The following SIX5 variants were observed in gnomAD, a reference collection of about 807,000 sequenced individuals.
SIX5 encodes the protein homeobox protein SIX5.
Under a neutral mutation model 37.1 loss-of-function variants are expected in SIX5, and 21 were observed. That is an observed-to-expected ratio of 0.57 (90% CI 0.40 to 0.81). The LOEUF (loss-of-function observed/expected upper bound fraction) is 0.81. Among genes scored for constraint, SIX5 ranks in the 40% least tolerant of loss-of-function variants. The pLI is 0.00. For synonymous variants in SIX5, 626 were observed against 505.9 expected (o/e 1.24, Z -3.19); for missense variants, 1,137 against 1,025.1 (o/e 1.11, Z -1.49).
Position 45,765,987 on chromosome 19 carries a change from C to T in SIX5, c.1734G>A (p.Pro578=), listed in dbSNP as rs571511861. ...GTGGCAGGGCCAGGCCGGGGGCTGG[C>T]GGCAGGACCTGGGAGACGAGCATGC... The part of the protein sequence containing the change: ...PTSMLVSQVL[P]PAPGLALPLK... The change falls in exon 3 of 3, where the codon CCG becomes CCA. Residue 578 remains proline, a synonymous_variant. Transcript: ENST00000317578. 10 of 1,592,536 alleles carry T rather than the reference C, an allele frequency of 6.3e-6. No homozygotes were observed. Among genetic ancestry groups the T allele is most frequent in the African/African-American group, 1.3e-5 (1 of 74,768 alleles).
At chr19:45,766,242 C>G (rs1203753260) in intron 2 of SIX5, 108 bp downstream of exon 2, 1 of 1,492,740 alleles carries the variant, frequency 6.7e-7, no homozygotes, top group Non-Finnish European at 9.0e-7. Flanking sequence ...CTGGGACTTG[C>G]CAGGGATGAG....
Position 45,766,729 on chromosome 19 carries a change from C to T in SIX5, c.1230G>A (p.Val410=), listed in dbSNP as rs1428410235. 1.3e-6 allele frequency: 2 copies of T among 1,570,914 alleles called. No homozygotes were observed. Among genetic ancestry groups the T allele is most frequent in the Non-Finnish European group, 1.7e-6 (2 of 1,160,428 alleles). ...SEAPETKGAQ[V]AAPGPALGEE... is the part of the protein sequence containing the mutation. The stretch of plus-strand genomic sequence containing the variant: ...CTCCAAGGGCTGGTCCCGGAGCAGC[C>T]ACCTGGGCCCCTTTGGTCTCAGGGG... Residue 410 remains valine, a synonymous_variant, in exon 2 of 3, where the codon GTG becomes GTA. Transcript: ENST00000317578.
Position 45,768,236 on chromosome 19 carries a change from C to A in SIX5, c.609G>T (p.Glu203Asp). 6.2e-7 allele frequency: 1 copy of A among 1,613,176 alleles called. No homozygotes were observed. ...AGCGCTCCTTGAAGCAGTAGACTGT[C>A]TCCTCGCCGTCCCAGATGGTCTTGG... The part of the protein sequence containing the change: ...PLPKTIWDGE[E>D]TVYCFKERSR... The change falls in exon 1 of 3, where the codon GAG (glutamate) becomes GAT (aspartate). Residue 203 changes from glutamate to aspartate, a missense_variant. Coordinates refer to ENST00000317578, the MANE Select transcript of SIX5 (RefSeq NM_175875.5).
chr19:45,765,894 T>C lies in SIX5; in HGVS notation c.1827A>G (p.Pro609=), dbSNP rs1233591292. 4 of 1,592,668 alleles carry C rather than the reference T, an allele frequency of 2.5e-6. No homozygotes were observed. In the African/African-American group the frequency reaches 4.0e-5, roughly 16 times the overall value. The part of the protein sequence containing the change: ...GLPVAPSPAL[P]EAHALGTLSA... ...AAAGGGTGCCTAGGGCGTGAGCCTC[T>C]GGGAGAGCAGGGCTGGGGGCCACCG... Residue 609 remains proline (P), a synonymous_variant, in exon 3 of 3, where the codon CCA becomes CCG. Coordinates refer to ENST00000317578, the MANE Select transcript of SIX5 (RefSeq NM_175875.5).
In SIX5 at chr19:45,765,734, G is replaced by C; in HGVS notation, c.1987C>G (p.Pro663Ala). 1 of 1,612,112 alleles carries C rather than the reference G, an allele frequency of 6.2e-7. No homozygotes were observed. Among genetic ancestry groups the C allele is most frequent in the Non-Finnish European group, 8.5e-7 (1 of 1,179,972 alleles). ...EGLMLSPAAV[P>A]VWSAGLELSA... ...AGTTCCAGCCCTGCTGACCAGACAG[G>C]CACGGCCGCGGGTGACAACATCAGC... is the stretch of plus-strand genomic sequence containing the variant. The change falls in exon 3 of 3, where the codon CCT (proline) becomes GCT (alanine). Residue 663 changes from proline to alanine, a missense_variant. This residue lies in a region of SIX5 where 787 missense variants were observed against 621.4 expected (regional missense o/e 1.27). Transcript: ENST00000317578.
rs1267558043 is a variant in SIX5 at position 45,766,123 on chromosome 19, G to C, written c.1610-12C>G. The C allele has an allele frequency of 1.2e-6, 2 of 1,609,510 alleles. No homozygotes were observed. Among genetic ancestry groups the C allele is most frequent in the Middle Eastern group, 1.7e-4 (1 of 5,976 alleles). ...CAGGAGGAAGTTTCCTGTGGGGAGA[G>C]AGGGACCGAGCGCAGGTGAGAGCCA... is the stretch of plus-strand genomic sequence containing the variant. On this transcript the variant is annotated splice_polypyrimidine_tract_variant and intron_variant, in intron 2 of 2. Transcript: ENST00000317578.
In SIX5 at chr19:45,764,942, G is replaced by A. The variant is rs1234647945; in HGVS notation, c.*559C>T. On this transcript the variant is annotated 3_prime_UTR_variant, in exon 3 of 3. Coordinates refer to ENST00000317578, the MANE Select transcript of SIX5 (RefSeq NM_175875.5). The stretch of plus-strand genomic sequence containing the variant: ...GGCCGGATAATGAGGACAAGGGCTT[G>A]AGTCGAGGGGAGCTGGTGAAGGAAG... The A allele has an allele frequency of 5.4e-6, 1 of 183,812 alleles. No homozygotes were observed. Among genetic ancestry groups the A allele is most frequent in the African/African-American group, 2.3e-5 (1 of 42,734 alleles). The allele number at this position is 183,812 out of a possible 1,614,324, so 11.4% of individuals were successfully genotyped here. A position where few individuals can be genotyped will look rare whatever the true frequency, so the allele number is the denominator to read the frequency against.
At position 45,766,874 on chromosome 19, in the gene SIX5, G is replaced by C; in HGVS notation, c.1085C>G (p.Thr362Ser). 1 of 1,546,940 alleles carries C rather than the reference G, an allele frequency of 6.5e-7. No homozygotes were observed. The highest frequency in any genetic ancestry group is 8.7e-7 in the Non-Finnish European group (1 of 1,148,676). Residue 362 changes from threonine to serine, a missense_variant, in exon 2 of 3, where the codon ACT (threonine) becomes AGT (serine). Physicochemically the swap from Thr to Ser is moderately conservative, Grantham distance 58 (BLOSUM62 1). Coordinates refer to ENST00000317578, the MANE Select transcript of SIX5 (RefSeq NM_175875.5). ...CGGTGGAGGGGCACCCCCGCCCCCA[G>C]TGAGCAGCAGCGGGCCCAGGCTGGA... is the stretch of plus-strand genomic sequence containing the variant. ...EASSLGPLLL[T>S]GGGGAPPPQP...
rs1177434435 is a variant in SIX5 at position 45,766,665 on chromosome 19, G to C, written c.1294C>G (p.Pro432Ala). 1 of 1,493,236 alleles carries C rather than the reference G, an allele frequency of 6.7e-7. No homozygotes were observed. The allele number at this position is 1,493,236 out of a possible 1,614,324, so 92.5% of individuals were successfully genotyped here. Residue 432 changes from proline (P) to alanine (A), a missense_variant, in exon 2 of 3, where the codon CCC becomes GCC. By Grantham distance (27) the Pro-to-Ala change is conservative. Coordinates refer to ENST00000317578, the MANE Select transcript of SIX5 (RefSeq NM_175875.5). ...LGPLAQVVPG[P>A]PTAATFPLPP... ...AGAGGAAAGGTGGCAGCCGTCGGGGGGCCAGGCACCACTTGGGCCAGGGGC... is the reference window on the plus strand; with the variant it reads ...AGAGGAAAGGTGGCAGCCGTCGGGGCGCCAGGCACCACTTGGGCCAGGGGC...
Position 45,765,443 on chromosome 19 carries a change from A to G in SIX5, c.*58T>C. The G allele has an allele frequency of 1.2e-6, 2 of 1,611,238 alleles. No individual in the cohort carries two copies. The highest frequency in any genetic ancestry group is 1.7e-6 in the Non-Finnish European group (2 of 1,179,554). On this transcript the variant is annotated 3_prime_UTR_variant, in exon 3 of 3. Transcript: ENST00000317578. ...CGCATTTCTGGGGCTCCCCCCTCCC[A>G]TTCCTGTCCCTGCGTCTTCAGCACC... is the stretch of plus-strand genomic sequence containing the variant.
rs1271355101 is a variant in SIX5, at chr19:45,765,970, G to A, written c.1751C>T (p.Ala584Val). Residue 584 changes from alanine (A) to valine (V), a missense_variant, in exon 3 of 3, where the codon GCC (alanine) becomes GTC (valine). Physicochemically the swap from Ala to Val is moderately conservative, Grantham distance 64. Transcript: ENST00000317578. ...GGCCGTCTCTGGCTTCAGTGGCAGG[G>A]CCAGGCCGGGGGCTGGCGGCAGGAC... ...SQVLPPAPGL[A>V]LPLKPETAIS... 5 of 1,596,540 alleles carry A rather than the reference G, an allele frequency of 3.1e-6. No individual in the cohort carries two copies. In the African/African-American group the frequency reaches 4.0e-5, roughly 13 times the overall value.
Position 45,768,974 on chromosome 19 carries a change from T to G in SIX5, c.-130A>C. ...TCTCGATCTTCTTTCTGGCCGACCC[T>G]GCGCCCCACGCCGGGAAGGCGAGAT... On this transcript the variant is annotated 5_prime_UTR_variant, in exon 1 of 3. Coordinates refer to ENST00000317578, the MANE Select transcript of SIX5 (RefSeq NM_175875.5). 1 of 864,580 alleles carries G rather than the reference T, an allele frequency of 1.2e-6. No homozygotes were observed. Among genetic ancestry groups the G allele is most frequent in the Non-Finnish European group, 1.7e-6 (1 of 586,738 alleles). The allele number at this position is 864,580 out of a possible 1,614,324, so 53.6% of individuals were successfully genotyped here. A position where few individuals can be genotyped will look rare whatever the true frequency, so the allele number is the denominator to read the frequency against.
chr19:45,767,691 G>A, intron 1 of SIX5: 1 of 372,960 alleles, frequency 2.7e-6, no homozygotes, highest in Non-Finnish European at 4.9e-6. Context: ...GTGAAGAAAG[G>A]GGGCTGGGAG....
Position 45,768,269 on chromosome 19 carries a change from G to A in SIX5, c.576C>T (p.Phe192=), listed in dbSNP as rs368106223. 94 of 1,612,698 alleles carry A rather than the reference G, an allele frequency of 5.8e-5. 1 individual carries two copies. The Middle Eastern group carries it at 2.1e-3, about 37-fold the overall frequency. Residue 192 remains phenylalanine, a synonymous_variant, in exon 1 of 3, where the codon TTC becomes TTT. Transcript: ENST00000317578. ...AVDKYRLRKK[F]PLPKTIWDGE... ...CGTCCCAGATGGTCTTGGGCAGCGG[G>A]AACTTCTTGCGCAGTCGATACTTGT...
Position 45,767,149 on chromosome 19 carries a change from A to T in SIX5, c.810T>A (p.Ser270=). 1 of 1,611,936 alleles carries T rather than the reference A, an allele frequency of 6.2e-7. No individual in the cohort carries two copies. The highest frequency in any genetic ancestry group is 8.5e-7 in the Non-Finnish European group (1 of 1,179,882). The change falls in exon 2 of 3, where the codon TCT becomes TCA. Residue 270 remains serine (S), a synonymous_variant. Coordinates refer to ENST00000317578, the MANE Select transcript of SIX5 (RefSeq NM_175875.5). ...AGGGAPCKSE[S]DGNPTTEDES... ...CGTCCTCAGTCGTGGGATTCCCATC[A>T]GACTCGCTGGCCGGAGAAATGGCTG...
In SIX5 at chr19:45,766,607, G is replaced by C; in HGVS notation, c.1352C>G (p.Pro451Arg). Residue 451 changes from proline (P) to arginine (R), a missense_variant, in exon 2 of 3, where the codon CCA (proline) becomes CGA (arginine). By Grantham distance (103) the Pro-to-Arg change is moderately radical (BLOSUM62 -2). This residue lies in a region of SIX5 where 787 missense variants were observed against 621.4 expected (regional missense o/e 1.27). Transcript: ENST00000317578. The stretch of plus-strand genomic sequence containing the variant: ...GGGTGGGGAGAGCGGTACCACTTGT[G>C]GGGCAGCCACAGCAGGCACTGGCCC... Reference protein sequence around the residue: ...PPGPVPAVAAPQVVPLSPPPG... With the variant: ...PPGPVPAVAARQVVPLSPPPG... 6.8e-7 allele frequency: 1 copy of C among 1,469,806 alleles called. No homozygotes were observed. The highest frequency in any genetic ancestry group is 9.0e-7 in the Non-Finnish European group (1 of 1,107,320). 91.0% of individuals were successfully genotyped at this position (1,469,806 alleles called of 1,614,324 possible).
rs891017241 is a variant in SIX5, at chr19:45,765,811, G to A, written c.1910C>T (p.Ser637Phe). ...ATTSSTSLPF[S>F]PDSPGLLPNF... ...GGGCAGGAGGCCAGGGGAGTCAGGGGAGAAGGGCAGGCTGGTGCTGGAGGT... is the reference window on the plus strand; with the variant it reads ...GGGCAGGAGGCCAGGGGAGTCAGGGAAGAAGGGCAGGCTGGTGCTGGAGGT... The change falls in exon 3 of 3, where the codon TCC (serine) becomes TTC (phenylalanine). Residue 637 changes from serine to phenylalanine, a missense_variant. Physicochemically the swap from Ser to Phe is radical, Grantham distance 155. Around this residue, in one of 3 missense-constraint regions of SIX5, gnomAD observed 787 missense variants for 621.4 expected, o/e 1.27. Transcript: ENST00000317578. 37 of 1,603,802 alleles carry A rather than the reference G, an allele frequency of 2.3e-5. No individual in the cohort carries two copies. In the South Asian group the frequency reaches 4.0e-4, roughly 17 times the overall value.
At chr19:45,766,303 C>A (rs1422208787) in intron 2 of SIX5, 47 bp downstream of exon 2, 2 of 1,526,028 alleles carry the variant, frequency 1.3e-6, no homozygotes, top group Admixed American at 2.0e-5. Context: ...GATGACTGCA[C>A]CCCTCCCCGG....
chr19:45,765,869 A>G lies in SIX5; in HGVS notation c.1852T>C (p.Ser618Pro), dbSNP rs1600396951. Residue 618 changes from serine to proline, a missense_variant, in exon 3 of 3, where the codon TCT (serine) becomes CCT (proline). Coordinates refer to ENST00000317578, the MANE Select transcript of SIX5 (RefSeq NM_175875.5). ...GCGGCGGGGGGTGGCTGCTGTGCAG[A>G]AAGGGTGCCTAGGGCGTGAGCCTCT... ...LPEAHALGTL[S>P]AQQPPPAAAT... is the part of the protein sequence containing the mutation. The G allele has an allele frequency of 8.1e-6, 13 of 1,597,698 alleles. No individual in the cohort carries two copies. The African/African-American group carries it at 1.6e-4, about 20-fold the overall frequency.
Sources: allele counts gnomAD v4.1 joint callset, GRCh38; gene constraint gnomAD v4.1.1; regional missense constraint gnomAD v4.1.1; transcripts MANE v1.5; gene names NCBI Gene and HGNC (gene_info 2026-07-23, HGNC 2026-07-21).